SPAG16: variants seen among roughly 807,000 people sequenced by gnomAD.
SPAG16 encodes the protein sperm-associated antigen 16 protein.
SPAG16 carries 86 observed loss-of-function variants against 80.4 expected under a neutral mutation model. That is an observed-to-expected ratio of 1.07 (90% CI 0.90 to 1.28). The LOEUF (loss-of-function observed/expected upper bound fraction) is 1.28. Ranked by LOEUF, SPAG16 falls within the 50% of genes most tolerant of loss-of-function variation. The pLI is 0.00. For synonymous variants in SPAG16, 294 were observed against 265.9 expected, an observed-to-expected ratio of 1.11 and a Z score of -1.03; for missense variants, 870 against 765.3, an observed-to-expected ratio of 1.14 and a Z score of -1.61.
At chr2:213,311,711 T>A (rs11676531) in intron 4 of SPAG16, among the ~76,000 whole-genome samples, 39,798 of 151,400 alleles carry the variant, frequency 0.26, 6,067 homozygotes, top group Middle Eastern at 0.45. Context: ...GAATACCTTA[T>A]TTCATATGAA....
In SPAG16 at chr2:213,976,276, G is replaced by GTACACATGTGTGCACATATGCA; in HGVS notation, c.1401-37661_1401-37640dup. 2.0e-5 allele frequency among the ~76,000 whole-genome samples: 3 copies of GTACACATGTGTGCACATATGCA among 150,424 alleles called. No individual in the cohort carries two copies. The East Asian group carries it at 5.9e-4, about 30-fold the overall frequency. On this transcript the variant is annotated intron_variant, in intron 12 of 15. Coordinates refer to ENST00000331683, the MANE Select transcript of SPAG16 (RefSeq NM_024532.5). ...TGTATATACACACATATACATATGC[G>GTACACATGTGTGCACATATGCA]TACACATGTGTGCACATATGCATAC...
chr2:213,825,591 G>A (rs1038907872), intron 10 of SPAG16, among the ~76,000 whole-genome samples: 5 of 151,642 alleles, frequency 3.3e-5, no homozygotes, highest in African/African-American at 1.2e-4. Context: ...GTCATGATGA[G>A]TCATCTTTGT....
intron 9 of SPAG16, among the ~76,000 whole-genome samples, chr2:213,458,621 T>A (rs895077155): frequency 5.3e-5 from 8 of 152,174 alleles, no homozygotes; most frequent in African/African-American, 1.9e-4. Flanking sequence ...TCACAACACA[T>A]TATTTCATTT....
At chr2:214,099,659 ATGGTAG>A (rs1406652677) in intron 13 of SPAG16, among the ~76,000 whole-genome samples, 1 of 152,140 alleles carries the variant, frequency 6.6e-6, no homozygotes, top group Non-Finnish European at 1.5e-5. Flanking sequence ...AACATGATTT[ATGGTAG>A]TTGCCTCTGG....
chr2:214,351,635 G>A (rs1236924500), intron 15 of SPAG16, among the ~76,000 whole-genome samples: 5 of 152,024 alleles, frequency 3.3e-5, no homozygotes, highest in East Asian at 3.9e-4. Flanking sequence ...CCCAGGAGGC[G>A]GAGCTTGCAG....
intron 15 of SPAG16, among the ~76,000 whole-genome samples, chr2:214,160,544 A>G (rs531631623): frequency 1.3e-5 from 2 of 151,786 alleles, no homozygotes; most frequent in African/African-American, 4.8e-5. Flanking sequence ...TCAGTATGTG[A>G]TAAACTTATT....
chr2:213,899,433 T>C (rs138271068), intron 11 of SPAG16, among the ~76,000 whole-genome samples: 187 of 152,242 alleles, frequency 1.2e-3, no homozygotes, highest in South Asian at 2.5e-3. Context: ...AAGTTTTATA[T>C]AGAGACTGCA....
At chr2:213,798,011 T>C (rs2071153596) in intron 10 of SPAG16, among the ~76,000 whole-genome samples, 1 of 152,212 alleles carries the variant, frequency 6.6e-6, no homozygotes, top group Non-Finnish European at 1.5e-5. Flanking sequence ...TTTCAATAGA[T>C]GTGAACGGGG....
intron 10 of SPAG16, among the ~76,000 whole-genome samples, chr2:213,851,751 C>G (rs1376651341): frequency 2.0e-5 from 3 of 152,072 alleles, no homozygotes; most frequent in Non-Finnish European, 4.4e-5. Context: ...GAACATTGAA[C>G]AAGAAAAGAA....
intron 10 of SPAG16, among the ~76,000 whole-genome samples, chr2:213,507,231 G>T (rs1482761296): frequency 1.3e-5 from 2 of 152,196 alleles, no homozygotes. Flanking sequence ...GAAAGGGAAT[G>T]ATGCTAAATA....
chr2:213,461,232 G>C (rs1645803206), intron 9 of SPAG16, among the ~76,000 whole-genome samples: 1 of 152,188 alleles, frequency 6.6e-6, no homozygotes, highest in Admixed American at 6.5e-5. Flanking sequence ...AATAAATGCA[G>C]TTCTACATTA....
At chr2:214,170,541 A>T (rs2056837682) in intron 15 of SPAG16, among the ~76,000 whole-genome samples, 1 of 152,004 alleles carries the variant, frequency 6.6e-6, no homozygotes, top group South Asian at 2.1e-4. Context: ...GTATATACAT[A>T]AAAAGGGATA....
chr2:213,288,831 T>C (rs946701719), intron 1 of SPAG16, among the ~76,000 whole-genome samples: 3 of 152,228 alleles, frequency 2.0e-5, no homozygotes, highest in Non-Finnish European at 4.4e-5. Flanking sequence ...TTCTGAACCC[T>C]AAAGTGTATT....
At chr2:213,625,667 CT>C (rs200497235) in intron 10 of SPAG16, among the ~76,000 whole-genome samples, 16 of 151,462 alleles carry the variant, frequency 1.1e-4, no homozygotes, top group Non-Finnish European at 1.5e-4. Flanking sequence ...TGTTACTGTT[CT>C]TTTTTTTGTT....
intron 9 of SPAG16, among the ~76,000 whole-genome samples, chr2:213,406,609 T>C (rs1419772799): frequency 6.6e-6 from 1 of 152,210 alleles, no homozygotes; most frequent in Non-Finnish European, 1.5e-5. Context: ...GTTACCATAT[T>C]ATACAGAAAA....
At chr2:213,939,394 G>T (rs1368444825) in intron 12 of SPAG16, among the ~76,000 whole-genome samples, 1 of 152,176 alleles carries the variant, frequency 6.6e-6, no homozygotes, top group East Asian at 1.9e-4. Flanking sequence ...TTGATCAAAA[G>T]ATTAATTCCT....
Position 214,010,165 on chromosome 2 carries a change from G to C in SPAG16, c.1401-3786G>C, listed in dbSNP as rs75630935. On this transcript the variant is annotated intron_variant, in intron 12 of 15. Transcript: ENST00000331683. ...TGCAAATAAAAAGCAGACTGAAAAA[G>C]ATCAGGAAACAAGTGAACTAGAAAA... 1.0e-2 allele frequency among the ~76,000 whole-genome samples: 1,453 copies of C among 146,014 alleles called. 149 individuals are homozygous for C. The highest frequency in any genetic ancestry group is 0.08 in the Admixed American group (1,192 of 14,954).
In SPAG16 at chr2:213,484,032, G is replaced by A. The variant is rs1399848593; in HGVS notation, c.943-5931G>A. ...AGAAATATAATGTTAAAATAATGAT[G>A]CTGTGAAGTTTCTAAGTGAATGTTT... is the stretch of plus-strand genomic sequence containing the variant. On this transcript the variant is annotated intron_variant, in intron 9 of 15. Transcript: ENST00000331683. 2.0e-5 allele frequency among the ~76,000 whole-genome samples: 3 copies of A among 152,090 alleles called. No homozygotes were observed. The South Asian group carries it at 6.2e-4, about 32-fold the overall frequency.
At chr2:214,251,380 G>C (rs1487601883) in intron 15 of SPAG16, among the ~76,000 whole-genome samples, 1 of 151,596 alleles carries the variant, frequency 6.6e-6, no homozygotes, top group African/African-American at 2.4e-5. Flanking sequence ...AAGAACTGAG[G>C]GTTTGCTTTT....
Sources: gnomAD v4.1 joint callset for allele counts (sites outside exome capture counted in the v4.1 genomes callset) on GRCh38, gnomAD v4.1.1 for gene constraint, MANE v1.5 for transcripts, NCBI Gene and HGNC (gene_info 2026-07-23, HGNC 2026-07-21) for gene names.